Variants in CNTNAP2 observed in about 807,000 individuals in gnomAD.
CNTNAP2 encodes the protein contactin associated protein 2.
Under a neutral mutation model 155.2 loss-of-function variants are expected in CNTNAP2, and 98 were observed. That is an observed-to-expected ratio of 0.63 (90% CI 0.54 to 0.75). CNTNAP2 has a LOEUF of 0.75. CNTNAP2 is among the 30% of genes least tolerant of loss of function. The pLI is 0.00. For missense variants in CNTNAP2, 1,727 were observed against 1,688.1 expected (o/e 1.02, Z -0.40); for synonymous variants, 651 against 631.2 (o/e 1.03, Z -0.47).
chr7:147,981,786 GGTGTGTGTGTGT>G (rs57272792), intron 15 of CNTNAP2, among the ~76,000 whole-genome samples: 2 of 143,730 alleles, frequency 1.4e-5, no homozygotes, highest in East Asian at 4.0e-4. Flanking sequence ...TGTCCTTACA[GGTGTGTGTGTGT>G]GTGTGTGTGT....
chr7:146,451,176 G>A (rs1003671380), intron 1 of CNTNAP2, among the ~76,000 whole-genome samples: 2 of 152,124 alleles, frequency 1.3e-5, no homozygotes, highest in African/African-American at 4.8e-5. Flanking sequence ...TGGATCCCCT[G>A]ACCTCGTGAT....
chr7:148,172,533 C>A, intron 18 of CNTNAP2, 55 bp downstream of exon 18: 4 of 1,419,830 alleles, frequency 2.8e-6, no homozygotes, highest in South Asian at 1.1e-5. Context: ...AAGCCCAAAT[C>A]ATCTATTTAA....
intron 12 of CNTNAP2, among the ~76,000 whole-genome samples, chr7:147,575,717 A>G (rs575514757): frequency 9.9e-5 from 15 of 152,010 alleles, no homozygotes; most frequent in Non-Finnish European, 2.1e-4. Flanking sequence ...TTTAAAATGT[A>G]TGAAAATCTC....
chr7:148,134,097 C>T (rs980267910), intron 16 of CNTNAP2, among the ~76,000 whole-genome samples: 1 of 152,170 alleles, frequency 6.6e-6, no homozygotes, highest in Non-Finnish European at 1.5e-5. Flanking sequence ...CAAATGAAAT[C>T]TGGCTGAACC....
chr7:147,023,614 A>G (rs574465752), intron 3 of CNTNAP2, among the ~76,000 whole-genome samples: 1 of 152,232 alleles, frequency 6.6e-6, no homozygotes, highest in Admixed American at 6.5e-5. Context: ...GCAACCACTA[A>G]TTTCTTGGCA....
intron 11 of CNTNAP2, among the ~76,000 whole-genome samples, chr7:147,544,233 T>C (rs1460789420): frequency 6.6e-6 from 1 of 152,150 alleles, no homozygotes; most frequent in African/African-American, 2.4e-5. Flanking sequence ...GCAACAGTTA[T>C]GGCACATACA....
At chr7:146,879,734 C>A (rs554916419) in intron 3 of CNTNAP2, among the ~76,000 whole-genome samples, 1 of 151,982 alleles carries the variant, frequency 6.6e-6, no homozygotes, top group East Asian at 1.9e-4. Context: ...CATGAGCTCA[C>A]GGTCAGTGCT....
intron 1 of CNTNAP2, among the ~76,000 whole-genome samples, chr7:146,509,018 G>A (rs1038673760): frequency 6.6e-6 from 1 of 152,114 alleles, no homozygotes; most frequent in Admixed American, 6.5e-5. Flanking sequence ...GCAGCACCCT[G>A]CACACAGATT....
At chr7:146,187,102 C>T (rs767080526) in intron 1 of CNTNAP2, among the ~76,000 whole-genome samples, 25 of 152,166 alleles carry the variant, frequency 1.6e-4, no homozygotes, top group Non-Finnish European at 3.1e-4. Flanking sequence ...AAAGTCTAGT[C>T]AGGTCACTAG....
chr7:147,492,664 G>A (rs569623774), intron 11 of CNTNAP2, among the ~76,000 whole-genome samples: 1 of 152,142 alleles, frequency 6.6e-6, no homozygotes, highest in Non-Finnish European at 1.5e-5. Flanking sequence ...AGTTGGACAT[G>A]TCTAAGTTCC....
intron 8 of CNTNAP2, among the ~76,000 whole-genome samples, chr7:147,208,044 AG>A (rs146557881): frequency 0.013 from 2,022 of 152,268 alleles, 50 homozygotes; most frequent in African/African-American, 0.046. Context: ...CTTGACAAAC[AG>A]TCAATACTTT....
intron 3 of CNTNAP2, among the ~76,000 whole-genome samples, chr7:147,017,437 C>T (rs533286079): frequency 3.3e-5 from 5 of 152,034 alleles, no homozygotes; most frequent in South Asian, 2.1e-4. Context: ...CCTATGTATG[C>T]TATAATATAT....
intron 1 of CNTNAP2, among the ~76,000 whole-genome samples, chr7:146,461,853 C>A (rs1796641860): frequency 6.6e-6 from 1 of 152,156 alleles, no homozygotes; most frequent in African/African-American, 2.4e-5. Flanking sequence ...AAAGGAAAAT[C>A]AACGTAGACT....
At chr7:147,340,538 C>T (rs545079579) in intron 9 of CNTNAP2, among the ~76,000 whole-genome samples, 8 of 152,198 alleles carry the variant, frequency 5.3e-5, no homozygotes, top group East Asian at 3.9e-4. Context: ...TGGTCGTGGA[C>T]ATGTTCAACT....
At chr7:146,362,098 AAC>A (rs1473114084) in intron 1 of CNTNAP2, among the ~76,000 whole-genome samples, 3 of 152,152 alleles carry the variant, frequency 2.0e-5, no homozygotes, top group Non-Finnish European at 2.9e-5. Flanking sequence ...CTGATTTTAA[AAC>A]ACAGTGCTTT....
At chr7:148,194,089 G>A (rs1486261263) in intron 18 of CNTNAP2, among the ~76,000 whole-genome samples, 2 of 150,968 alleles carry the variant, frequency 1.3e-5, no homozygotes, top group East Asian at 3.9e-4. Flanking sequence ...TCCTGCCTCA[G>A]CCTCTCAAGC....
At chr7:146,285,974 TTC>T (rs1416294164) in intron 1 of CNTNAP2, among the ~76,000 whole-genome samples, 4 of 45,342 alleles carry the variant, frequency 8.8e-5, no homozygotes, top group African/African-American at 3.5e-4. Flanking sequence ...CCTTCCTTCC[TTC>T]TCTGTGTGTG....
chr7:146,192,445 C>T (rs1798720115), intron 1 of CNTNAP2, among the ~76,000 whole-genome samples: 1 of 152,156 alleles, frequency 6.6e-6, no homozygotes, highest in Non-Finnish European at 1.5e-5. Context: ...CACAGTTCAG[C>T]ATGGACGGGG....
At chr7:146,736,359 C>T (rs1435277630) in intron 1 of CNTNAP2, among the ~76,000 whole-genome samples, 1 of 152,176 alleles carries the variant, frequency 6.6e-6, no homozygotes, top group Non-Finnish European at 1.5e-5. Context: ...AAAAAAGACT[C>T]AGTCAGGTGT....
Sources: gnomAD v4.1 joint callset for allele counts (sites outside exome capture counted in the v4.1 genomes callset) on GRCh38, gnomAD v4.1.1 for gene constraint, MANE v1.5 for transcripts, NCBI Gene and HGNC (gene_info 2026-07-23, HGNC 2026-07-21) for gene names.